PLCB1: variants seen among roughly 807,000 people sequenced by gnomAD.
The protein encoded by PLCB1 is phospholipase C beta 1, also known as 1-phosphatidylinositol 4,5-bisphosphate phosphodiesterase beta-1.
PLCB1 carries 46 observed loss-of-function variants against 161.8 expected under a neutral mutation model. The observed-to-expected ratio is 0.28, with a 90% confidence interval of 0.22 to 0.36. The LOEUF is 0.36. Ranked by LOEUF, PLCB1 falls within the 10% of genes least tolerant of loss-of-function variation. The pLI, the probability that PLCB1 is intolerant of heterozygous loss-of-function variation, is 1.00. For synonymous variants in PLCB1, 517 were observed against 503.7 expected, an observed-to-expected ratio of 1.03 and a Z score of -0.35; for missense variants, 1,016 against 1,472.5, an observed-to-expected ratio of 0.69 and a Z score of 5.07.
intron 31 of PLCB1, among the ~76,000 whole-genome samples, chr20:8,870,674 T>C (rs3848831): frequency 0.3 from 45,446 of 152,084 alleles, 7,764 homozygotes; most frequent in East Asian, 0.65. Context: ...ATCTACTTAG[T>C]ATTTTGCCTA....
intron 3 of PLCB1, among the ~76,000 whole-genome samples, chr20:8,396,712 A>G (rs941191945): frequency 2.6e-5 from 4 of 152,200 alleles, no homozygotes; most frequent in South Asian, 4.1e-4. Context: ...GTAATTCCAG[A>G]TATACACAAT....
intron 1 of PLCB1, among the ~76,000 whole-genome samples, chr20:8,145,900 C>G (rs768208424): frequency 2.6e-5 from 4 of 152,146 alleles, no homozygotes; most frequent in Admixed American, 6.5e-5. Context: ...TGTTTCCATT[C>G]TTAGTCTTTG....
At chr20:8,409,506 A>G in intron 3 of PLCB1, among the ~76,000 whole-genome samples, 1 of 151,818 alleles carries the variant, frequency 6.6e-6, no homozygotes. Context: ...CTTGTGGCTC[A>G]GGCTGAAGTG....
At chr20:8,666,551 A>G (rs915762795) in intron 9 of PLCB1, among the ~76,000 whole-genome samples, 1 of 152,212 alleles carries the variant, frequency 6.6e-6, no homozygotes, top group East Asian at 1.9e-4. Context: ...CAAAGGACTT[A>G]GCCATTTAGC....
At chr20:8,221,116 T>G (rs1240482326) in intron 2 of PLCB1, among the ~76,000 whole-genome samples, 1 of 152,180 alleles carries the variant, frequency 6.6e-6, no homozygotes, top group Non-Finnish European at 1.5e-5. Context: ...CTTGAATATA[T>G]GCATACATAT....
At chr20:8,178,222 G>T (rs2051803065) in intron 2 of PLCB1, among the ~76,000 whole-genome samples, 1 of 152,138 alleles carries the variant, frequency 6.6e-6, no homozygotes, top group South Asian at 2.1e-4. Context: ...CAATAATGGG[G>T]TTGCTGGGTT....
At chr20:8,757,972 G>T (rs1169219805) in intron 24 of PLCB1, among the ~76,000 whole-genome samples, 2 of 152,010 alleles carry the variant, frequency 1.3e-5, no homozygotes, top group Non-Finnish European at 2.9e-5. Flanking sequence ...TTCCTTGTGT[G>T]TATGTCCTGT....
intron 13 of PLCB1, 132 bp downstream of exon 13, chr20:8,716,480 C>A: frequency 1.4e-6 from 1 of 715,294 alleles, no homozygotes; most frequent in Non-Finnish European, 2.5e-6. Context: ...AAATCTTTGA[C>A]AAGGAGGATA....
At chr20:8,439,788 C>G (rs957126970) in intron 3 of PLCB1, among the ~76,000 whole-genome samples, 2 of 151,048 alleles carry the variant, frequency 1.3e-5, no homozygotes, top group African/African-American at 4.9e-5. Flanking sequence ...ATTTTTTCTT[C>G]TAGGTCGTTG....
chr20:8,440,408 A>G (rs543505851), intron 3 of PLCB1, among the ~76,000 whole-genome samples: 12 of 152,328 alleles, frequency 7.9e-5, no homozygotes, highest in East Asian at 7.7e-4. Context: ...TGTTACAGCT[A>G]GAACATTGAA....
At chr20:8,742,839 G>A (rs1051977409) in intron 23 of PLCB1, among the ~76,000 whole-genome samples, 1 of 152,228 alleles carries the variant, frequency 6.6e-6, no homozygotes, top group East Asian at 1.9e-4. Context: ...TACATAGTAG[G>A]TATATATGTT....
intron 9 of PLCB1, among the ~76,000 whole-genome samples, chr20:8,676,276 A>T (rs925447303): frequency 8.5e-5 from 13 of 152,116 alleles, no homozygotes; most frequent in African/African-American, 2.9e-4. Flanking sequence ...CAGGGGAATC[A>T]CTTGAACCCA....
At chr20:8,384,576 T>A (rs1302640634) in intron 3 of PLCB1, among the ~76,000 whole-genome samples, 1 of 152,082 alleles carries the variant, frequency 6.6e-6, no homozygotes, top group Non-Finnish European at 1.5e-5. Context: ...TGGAGAGGCA[T>A]TGAGGTCCTT....
chr20:8,196,979 C>T (rs1486322467), intron 2 of PLCB1, among the ~76,000 whole-genome samples: 1 of 152,082 alleles, frequency 6.6e-6, no homozygotes, highest in Non-Finnish European at 1.5e-5. Flanking sequence ...TCATCCATGT[C>T]CCTACAAAGG....
At chr20:8,751,721 G>A (rs1036400672) in intron 23 of PLCB1, 2 of 152,080 alleles carry the variant, frequency 1.3e-5, no homozygotes, top group Non-Finnish European at 2.9e-5. Flanking sequence ...GAAAAATCTA[G>A]TCAATGCGAC....
At position 8,462,085 on chromosome 20, in the gene PLCB1, C is replaced by T. The variant is rs558576096; in HGVS notation, c.246+90635C>T. Reference sequence around the variant, plus strand: ...GTAAATATATGTGTATATATATAAACGTATATATGTATTTACACACACACA... The same window carrying T: ...GTAAATATATGTGTATATATATAAATGTATATATGTATTTACACACACACA... On this transcript the variant is annotated intron_variant, in intron 3 of 31. Transcript: ENST00000338037. 1.6e-4 allele frequency among the ~76,000 whole-genome samples: 24 copies of T among 151,676 alleles called. No homozygotes were observed. The South Asian group carries it at 4.2e-3, about 26-fold the overall frequency.
At chr20:8,794,938 C>T (rs1421400988) in intron 31 of PLCB1, among the ~76,000 whole-genome samples, 1 of 152,188 alleles carries the variant, frequency 6.6e-6, no homozygotes, top group Admixed American at 6.5e-5. Flanking sequence ...ACACATGAAA[C>T]CTCATTCAAA....
intron 4 of PLCB1, among the ~76,000 whole-genome samples, chr20:8,630,196 C>T (rs536301040): frequency 7.3e-5 from 11 of 151,404 alleles, no homozygotes; most frequent in Non-Finnish European, 1.2e-4. Context: ...AAGCCATTCT[C>T]CTGCCTCAGC....
chr20:8,840,618 G>C (rs1230560184), intron 31 of PLCB1, among the ~76,000 whole-genome samples: 1 of 152,118 alleles, frequency 6.6e-6, no homozygotes, highest in Non-Finnish European at 1.5e-5. Flanking sequence ...ACTTTGGCCT[G>C]CATGCTTTCC....
Sources: allele counts gnomAD v4.1 joint callset (sites outside exome capture counted in the v4.1 genomes callset), GRCh38; gene constraint gnomAD v4.1.1; transcripts MANE v1.5; gene names NCBI Gene and HGNC (gene_info 2026-07-23, HGNC 2026-07-21).